The following STRIP2 variants were observed in gnomAD, a reference collection of about 807,000 sequenced individuals.
STRIP2 encodes the protein striatin interacting protein 2.
In STRIP2, 84 loss-of-function variants were observed where a neutral mutation model predicts 107.1. That is an observed-to-expected ratio of 0.78 (90% confidence interval 0.66 to 0.94). The LOEUF (loss-of-function observed/expected upper bound fraction) is 0.94. STRIP2 is among the 40% of genes least tolerant of loss of function. The pLI is 0.00. For missense variants in STRIP2, 888 were observed against 1,034.2 expected, an observed-to-expected ratio of 0.86 and a Z score of 1.94; for synonymous variants, 394 against 400.4, an observed-to-expected ratio of 0.98 and a Z score of 0.19.
At chr7:129,443,460 G>C (rs1562895002) in intron 2 of STRIP2, among the ~76,000 whole-genome samples, 2 of 152,016 alleles carry the variant, frequency 1.3e-5, no homozygotes, top group Non-Finnish European at 2.9e-5. Flanking sequence ...GTTCTCTAGA[G>C]TTTTTTTTGC....
In STRIP2 at chr7:129,434,530, G is replaced by A; in HGVS notation, c.58G>A (p.Gly20Ser). 1 of 1,518,362 alleles carries A rather than the reference G, an allele frequency of 6.6e-7. No homozygotes were observed. The highest frequency in any genetic ancestry group is 8.8e-7 in the Non-Finnish European group (1 of 1,140,508). 94.1% of individuals were successfully genotyped at this position (1,518,362 alleles called of 1,614,324 possible). The change falls in exon 1 of 21, where the codon GGC becomes AGC. Residue 20 changes from glycine (G) to serine (S), a missense_variant. Gly to Ser is a moderately conservative substitution (Grantham distance 56, BLOSUM62 0). Transcript: ENST00000249344. ...CCCGCCCGCAAATGGCAATGGCAAC[G>A]GCGGCGGCAAAGGGAAGCAGGCGGC... ...GGPPANGNGN[G>S]GGKGKQAAPK...
chr7:129,438,984 T>C (rs1797826343), intron 1 of STRIP2, among the ~76,000 whole-genome samples: 1 of 152,222 alleles, frequency 6.6e-6, no homozygotes, highest in South Asian at 2.1e-4. Flanking sequence ...AAAAGCTGCC[T>C]GAACCTAGTT....
chr7:129,444,029 T>C lies in STRIP2; in HGVS notation c.205T>C (p.Tyr69His), dbSNP rs770142709. The C allele has an allele frequency of 1.2e-6, 2 of 1,613,050 alleles. No individual in the cohort carries two copies. The highest frequency in any genetic ancestry group is 4.5e-5 in the East Asian group (2 of 44,898). ...DGHAAELSEL[Y>H]SYTENLEFTN... ...TTCTGTCTTTCCTGCCACAGAATTG[T>C]ATAGTTACACTGAGAACCTGGAATT... is the stretch of plus-strand genomic sequence containing the variant. Residue 69 changes from tyrosine (Y) to histidine (H), a missense_variant, in exon 3 of 21, where the codon TAT (tyrosine) becomes CAT (histidine). Transcript: ENST00000249344.
At position 129,464,617 on chromosome 7, in the gene STRIP2, C is replaced by CT. The variant is rs1562909456; in HGVS notation, c.1656dup (p.Val553CysfsTer42). The CT allele has an allele frequency of 6.2e-7, 1 of 1,614,092 alleles. No homozygotes were observed. Among genetic ancestry groups the CT allele is most frequent in the African/African-American group, 1.3e-5 (1 of 75,028 alleles). The stretch of plus-strand genomic sequence containing the variant: ...ACCTTCTCTCCCCATTGTAGCATCA[C>CT]TGTTCTCCAGAGCATGAAGCTGGGC... On this transcript the variant is annotated frameshift_variant, in exon 16 of 21. Transcript: ENST00000249344. LOFTEE classifies it high-confidence loss of function.
rs747277573 is a variant in STRIP2 at position 129,464,104 on chromosome 7, A to G, written c.1612A>G (p.Ile538Val). Residue 538 changes from isoleucine to valine, a missense_variant, in exon 15 of 21, where the codon ATC (isoleucine) becomes GTC (valine). Physicochemically the swap from Ile to Val is conservative, Grantham distance 29. Transcript: ENST00000249344. ...APTSKAKTDS[I>V]NILADVLPEE... The stretch of plus-strand genomic sequence containing the variant: ...CACCTCTAAGGCTAAGACAGACTCT[A>G]TCAATATCCTGGCAGATGTCCTACC... 1.2e-6 allele frequency: 2 copies of G among 1,613,168 alleles called. No homozygotes were observed. Among genetic ancestry groups the G allele is most frequent in the South Asian group, 1.1e-5 (1 of 91,068 alleles).
chr7:129,464,286 T>C, intron 15 of STRIP2, 145 bp downstream of exon 15: 1 of 692,578 alleles, frequency 1.4e-6, no homozygotes, highest in Non-Finnish European at 2.4e-6. Flanking sequence ...CCCTTTCCCG[T>C]ACAGGGCTTT....
At chr7:129,477,391 T>C (rs1161145489) in intron 18 of STRIP2, among the ~76,000 whole-genome samples, 1 of 152,226 alleles carries the variant, frequency 6.6e-6, no homozygotes, top group Non-Finnish European at 1.5e-5. Context: ...GAGGTATTTA[T>C]ACAAAGGAAG....
chr7:129,481,702 A>G (rs559988307), intron 19 of STRIP2, among the ~76,000 whole-genome samples: 1 of 152,272 alleles, frequency 6.6e-6, no homozygotes, highest in East Asian at 1.9e-4. Context: ...GCCTGAGCCC[A>G]GGAGTTTGAG....
At chr7:129,452,035 C>T (rs778268526) in intron 4 of STRIP2, among the ~76,000 whole-genome samples, 1 of 152,092 alleles carries the variant, frequency 6.6e-6, no homozygotes, top group Non-Finnish European at 1.5e-5. Flanking sequence ...TGAATACTAG[C>T]AAGAGGTGTG....
Position 129,449,322 on chromosome 7 carries a change from A to T in STRIP2, c.275-2291A>T, listed in dbSNP as rs555481041. Among the ~76,000 whole-genome samples the T allele has an allele frequency of 2.0e-5, 3 of 152,320 alleles. No individual in the cohort carries two copies. In the South Asian group the frequency reaches 6.2e-4, roughly 32 times the overall value. On this transcript the variant is annotated intron_variant, in intron 3 of 20. Transcript: ENST00000249344. ...AGTGTAGCACACCTCCTCATGGGTCACACTCTCAACCTCACCTCTAGGGGC... is the reference window on the plus strand; with the variant it reads ...AGTGTAGCACACCTCCTCATGGGTCTCACTCTCAACCTCACCTCTAGGGGC...
In STRIP2 at chr7:129,467,416, C is replaced by G. The variant is rs1343790767; in HGVS notation, c.1843C>G (p.Gln615Glu). 2 of 1,613,496 alleles carry G rather than the reference C, an allele frequency of 1.2e-6. No homozygotes were observed. Among genetic ancestry groups the G allele is most frequent in the Non-Finnish European group, 1.7e-6 (2 of 1,179,810 alleles). Residue 615 changes from glutamine to glutamate, a missense_variant, in exon 17 of 21, where the codon CAA (glutamine) becomes GAA (glutamate). Coordinates refer to ENST00000249344, the MANE Select transcript of STRIP2 (RefSeq NM_020704.3). ...CIPLILKFFN[Q>E]NILSYITAKN... ...CCCCTTGATCCTGAAGTTCTTCAAT[C>G]AAAATATCTTGTCATACATCACTGC...
chr7:129,437,720 C>G (rs1797781097), intron 1 of STRIP2, among the ~76,000 whole-genome samples: 1 of 151,922 alleles, frequency 6.6e-6, no homozygotes, highest in South Asian at 2.1e-4. Context: ...CACTCTCCAC[C>G]TTTTTCTTTT....
At chr7:129,439,999 C>A in intron 1 of STRIP2, 23 bp from the exon 2 acceptor site, 3 of 1,608,500 alleles carry the variant, frequency 1.9e-6, no homozygotes, top group Non-Finnish European at 2.6e-6. Context: ...ATCCCAGTTA[C>A]CAACAAAATT....
chr7:129,440,395 C>T (rs1026303847), intron 2 of STRIP2, among the ~76,000 whole-genome samples: 1 of 152,044 alleles, frequency 6.6e-6, no homozygotes, highest in Admixed American at 6.6e-5. Flanking sequence ...AGTTTTCTCT[C>T]CATCTTCTCC....
At position 129,458,566 on chromosome 7, in the gene STRIP2, T is replaced by C. The variant is rs1347106115; in HGVS notation, c.1274+116T>C. The C allele has an allele frequency of 1.6e-6, 2 of 1,247,748 alleles. No individual in the cohort carries two copies. The highest frequency in any genetic ancestry group is 2.4e-4 in the Middle Eastern group (1 of 4,232). 77.3% of individuals were successfully genotyped at this position (1,247,748 alleles called of 1,614,324 possible). The stretch of plus-strand genomic sequence containing the variant: ...AAGTTGGTCTGGCAGTCAGAACTCC[T>C]GGGTTTGAAATTCCTTCTGTTGATT... On this transcript the variant is annotated intron_variant, in intron 10 of 20. Transcript: ENST00000249344. This position sits in a 1 kb window ranked among gnomAD's most constrained non-coding sequence, Gnocchi z 4.6.
intron 2 of STRIP2, among the ~76,000 whole-genome samples, chr7:129,441,450 T>C (rs1320526767): frequency 2.0e-5 from 3 of 152,176 alleles, no homozygotes; most frequent in Middle Eastern, 3.2e-3. Context: ...GTGTAAAAAG[T>C]TGGAAACAAC....
chr7:129,440,546 C>A (rs557237401), intron 2 of STRIP2, among the ~76,000 whole-genome samples: 13 of 152,230 alleles, frequency 8.5e-5, no homozygotes, highest in Non-Finnish European at 1.6e-4. Context: ...TCGCAACTGC[C>A]CCTTATTAAA....
chr7:129,485,772 CGA>C lies in STRIP2; in HGVS notation c.2456_2457del (p.Glu819GlyfsTer27). On this transcript the variant is annotated frameshift_variant, in exon 21 of 21. Transcript: ENST00000249344. LOFTEE classifies it high-confidence loss of function. ...TCCACTATTCATATGAGCTCTGGCT[CGA>C]GAGAGAGGTGTTTTCACAGCCCATC... The part of the protein sequence containing the change: ...DFHYSYELWL[E>X]REVFSQPICW... The C allele has an allele frequency of 6.2e-7, 1 of 1,614,068 alleles. No individual in the cohort carries two copies. The highest frequency in any genetic ancestry group is 8.5e-7 in the Non-Finnish European group (1 of 1,180,028).
chr7:129,487,379 A>G lies in STRIP2; in HGVS notation c.*1550A>G, dbSNP rs1046456008. The G allele has an allele frequency of 6.6e-6, 1 of 152,150 alleles. No homozygotes were observed. The highest frequency in any genetic ancestry group is 2.4e-5 in the African/African-American group (1 of 41,422). The allele number at this position is 152,150 out of a possible 1,614,324, so 9.4% of individuals were successfully genotyped here. On this transcript the variant is annotated 3_prime_UTR_variant, in exon 21 of 21. Coordinates refer to ENST00000249344, the MANE Select transcript of STRIP2 (RefSeq NM_020704.3). ...CAACTTAGGCACTACTGAATTTTTT[A>G]TGATGGCACCAGGTCACTTTATGCT...
Sources: gnomAD v4.1 joint callset for allele counts (sites outside exome capture counted in the v4.1 genomes callset) on GRCh38, gnomAD v4.1.1 for gene constraint, Gnocchi (gnomAD v3.1) non-coding constraint, MANE v1.5 for transcripts, NCBI Gene and HGNC (gene_info 2026-07-23, HGNC 2026-07-21) for gene names.